The following TMPRSS13 variants were observed in gnomAD, a reference collection of about 807,000 sequenced individuals.
TMPRSS13 encodes transmembrane serine protease 13, also known as transmembrane protease serine 13.
Under a neutral mutation model 68.4 loss-of-function variants are expected in TMPRSS13, and 50 were observed. The ratio of observed to expected loss-of-function variants is 0.73; its 90% CI spans 0.58 to 0.93. The LOEUF (loss-of-function observed/expected upper bound fraction) is 0.93, where lower values mean the gene tolerates loss of function less well. TMPRSS13 is among the 40% of genes least tolerant of loss of function. TMPRSS13 has a pLI of 0.00. For missense variants in TMPRSS13, 615 were observed against 729.2 expected (o/e 0.84, Z 1.80); for synonymous variants, 267 against 285.8 (o/e 0.93, Z 0.66).
Position 117,914,312 on chromosome 11 carries a change from TAC to T in TMPRSS13, c.679+78_679+79del, listed in dbSNP as rs1183382522. 20 of 1,568,186 alleles carry T rather than the reference TAC, an allele frequency of 1.3e-5. No homozygotes were observed. Among genetic ancestry groups the T allele is most frequent in the Non-Finnish European group, 1.4e-5 (16 of 1,152,156 alleles). The stretch of plus-strand genomic sequence containing the variant: ...ACACATATACACACACAGGCATGCA[TAC>T]ACACACACATATACAAACAGGCACA... On this transcript the variant is annotated intron_variant, in intron 4 of 12. Coordinates refer to ENST00000524993, the MANE Select transcript of TMPRSS13 (RefSeq NM_001077263.3). This position sits in a 1 kb window ranked among gnomAD's most constrained non-coding sequence, Gnocchi z 4.2.
Position 117,910,720 on chromosome 11 carries a change from A to G in TMPRSS13, c.933T>C (p.Ser311=), listed in dbSNP as rs2155194. 0.96 allele frequency: 1,537,333 copies of G among 1,608,968 alleles called. 735,231 individuals are homozygous for G. The highest frequency in any genetic ancestry group is 0.98 in the Middle Eastern group (5,909 of 6,058). ...AGAACATCTTACGGGAACACTGGAG[A>G]GAGATATACCGCTGGGAAGGGCATT... ...RSECPSQRYI[S]LQCSHCGLRA... The change falls in exon 7 of 13, where the codon TCT becomes TCC. Residue 311 remains serine (S), a synonymous_variant. Coordinates refer to ENST00000524993, the MANE Select transcript of TMPRSS13 (RefSeq NM_001077263.3).
chr11:117,924,103 G>A (rs1393080607), intron 1 of TMPRSS13, among the ~76,000 whole-genome samples: 1 of 150,996 alleles, frequency 6.6e-6, no homozygotes, highest in African/African-American at 2.4e-5. Context: ...CAGCTACTTG[G>A]GAGGCTGAGG....
chr11:117,907,007 A>G (rs1181241797), intron 9 of TMPRSS13, among the ~76,000 whole-genome samples: 2 of 151,946 alleles, frequency 1.3e-5, no homozygotes, highest in Non-Finnish European at 2.9e-5. Flanking sequence ...CCAAAAGCCT[A>G]TTGGAGCCTG....
Position 117,914,490 on chromosome 11 carries a change from C to G in TMPRSS13, c.581G>C (p.Gly194Ala). ...ILFQFWQGHT[G>A]IRYKEQRESC... Reference sequence around the variant, plus strand: ...CTCCCTCTGCTCCTTGTACCTGATCCCTGTGTGGCCCTGCCAGAACTGGAC... The same window carrying G: ...CTCCCTCTGCTCCTTGTACCTGATCGCTGTGTGGCCCTGCCAGAACTGGAC... The change falls in exon 4 of 13, where the codon GGG becomes GCG. Residue 194 changes from glycine (G) to alanine (A), a missense_variant. Gly to Ala is a moderately conservative substitution (Grantham distance 60). Coordinates refer to ENST00000524993, the MANE Select transcript of TMPRSS13 (RefSeq NM_001077263.3). The surrounding 1 kb of genome is among the most constrained non-coding windows in gnomAD (Gnocchi z 4.2). The G allele has an allele frequency of 3.1e-6, 5 of 1,614,008 alleles. No individual in the cohort carries two copies. The highest frequency in any genetic ancestry group is 4.2e-6 in the Non-Finnish European group (5 of 1,180,010).
chr11:117,908,018 G>A, intron 9 of TMPRSS13: 1 of 994,224 alleles, frequency 1.0e-6, no homozygotes, highest in Non-Finnish European at 1.2e-6. Flanking sequence ...CAACGTTGTA[G>A]CAATTAGTTG....
At chr11:117,911,100 A>G (rs1275627570) in intron 6 of TMPRSS13, among the ~76,000 whole-genome samples, 1 of 152,214 alleles carries the variant, frequency 6.6e-6, no homozygotes, top group Non-Finnish European at 1.5e-5. Context: ...CCTCTGACAC[A>G]GTTCCTCAAC....
chr11:117,925,098 G>C (rs1176437652), intron 1 of TMPRSS13, among the ~76,000 whole-genome samples: 2 of 152,198 alleles, frequency 1.3e-5, no homozygotes, highest in Non-Finnish European at 2.9e-5. Context: ...TTTCAAACAG[G>C]GTTCCACAGA....
At chr11:117,916,053 C>T (rs1193199263) in intron 3 of TMPRSS13, among the ~76,000 whole-genome samples, 2 of 152,222 alleles carry the variant, frequency 1.3e-5, no homozygotes, top group African/African-American at 4.8e-5. Flanking sequence ...TGCCAGCACA[C>T]TGCCCCTCCC....
intron 8 of TMPRSS13, 128 bp downstream of exon 8, chr11:117,909,678 C>T (rs1397307735): frequency 1.6e-5 from 18 of 1,159,596 alleles, no homozygotes; most frequent in Non-Finnish European, 2.1e-5. Context: ...ACACCAGTGC[C>T]AACTGGCCCA....
chr11:117,910,985 GT>G (rs2057517572), intron 6 of TMPRSS13, among the ~76,000 whole-genome samples: 1 of 152,158 alleles, frequency 6.6e-6, no homozygotes, highest in Non-Finnish European at 1.5e-5. Flanking sequence ...CCCTCAACTA[GT>G]TTCCTTGTGG....
chr11:117,918,741 G>C lies in TMPRSS13; in HGVS notation c.119C>G (p.Ser40Cys), dbSNP rs772770055. The C allele has an allele frequency of 6.2e-7, 1 of 1,611,466 alleles. No homozygotes were observed. ...CCCAGCTGGAGATGCCTGGGCTGGA[G>C]ATGCCTGGGCTGGAGATGCCCGGCC... is the stretch of plus-strand genomic sequence containing the variant. ...PPGRASPAQA[S>C]PAQASPAGTP... The change falls in exon 2 of 13, where the codon TCT (serine) becomes TGT (cysteine). Residue 40 changes from serine to cysteine, a missense_variant. By Grantham distance (112) the Ser-to-Cys change is moderately radical. Coordinates refer to ENST00000524993, the MANE Select transcript of TMPRSS13 (RefSeq NM_001077263.3).
At chr11:117,907,675 G>C (rs2057477266) in intron 9 of TMPRSS13, 1 of 391,610 alleles carries the variant, frequency 2.6e-6, no homozygotes, top group Non-Finnish European at 3.5e-6. Context: ...AATCTTTTCG[G>C]GACCCACCTT....
chr11:117,902,362 G>A (rs908765169), intron 12 of TMPRSS13, 97 bp from the exon 13 acceptor site: 16 of 1,338,228 alleles, frequency 1.2e-5, no homozygotes, highest in African/African-American at 1.2e-4. Context: ...ATTTAGCCTC[G>A]CTGTCACCTA....
chr11:117,918,402 C>G lies in TMPRSS13; in HGVS notation c.451+7G>C, dbSNP rs1405122619. The stretch of plus-strand genomic sequence containing the variant: ...CTCTCGTGGCTTCCCTACAGCATCC[C>G]CCTTACCTGGGCTCTCCCTGGTGGC... On this transcript the variant is annotated splice_region_variant and intron_variant, in intron 2 of 12. Coordinates refer to ENST00000524993, the MANE Select transcript of TMPRSS13 (RefSeq NM_001077263.3). 5 of 1,612,694 alleles carry G rather than the reference C, an allele frequency of 3.1e-6. No individual in the cohort carries two copies. The highest frequency in any genetic ancestry group is 1.1e-5 in the South Asian group (1 of 91,036).
At chr11:117,919,720 C>G (rs1462813147) in intron 1 of TMPRSS13, among the ~76,000 whole-genome samples, 1 of 152,278 alleles carries the variant, frequency 6.6e-6, no homozygotes, top group African/African-American at 2.4e-5. Flanking sequence ...GGCCTCACCA[C>G]ACCCCTGGGA....
chr11:117,920,517 G>A (rs1591629593), intron 1 of TMPRSS13, among the ~76,000 whole-genome samples: 1 of 151,930 alleles, frequency 6.6e-6, no homozygotes, highest in South Asian at 2.1e-4. Flanking sequence ...TTTTGTATTG[G>A]AATCTTGCCC....
At position 117,901,485 on chromosome 11, in the gene TMPRSS13, T is replaced by TG. The variant is rs1419169243; in HGVS notation, c.*753dup. The TG allele has an allele frequency of 6.6e-6, 1 of 152,562 alleles. No individual in the cohort carries two copies. Among genetic ancestry groups the TG allele is most frequent in the East Asian group, 1.9e-4 (1 of 5,192 alleles). The allele number at this position is 152,562 out of a possible 1,614,324, so 9.5% of individuals were successfully genotyped here. A position where few individuals can be genotyped will look rare whatever the true frequency, so the allele number is the denominator to read the frequency against. On this transcript the variant is annotated 3_prime_UTR_variant, in exon 13 of 13. Coordinates refer to ENST00000524993, the MANE Select transcript of TMPRSS13 (RefSeq NM_001077263.3). Reference sequence around the variant, plus strand: ...AATACGACATTTCCCATGAATCCCCTGGGGGTCTTGGGCTGATTGATGCCA... The same window carrying TG: ...AATACGACATTTCCCATGAATCCCCTGGGGGGTCTTGGGCTGATTGATGCCA...
chr11:117,909,216 A>G (rs1231195366), intron 8 of TMPRSS13, among the ~76,000 whole-genome samples: 2 of 152,236 alleles, frequency 1.3e-5, no homozygotes, highest in Non-Finnish European at 2.9e-5. Context: ...AGACAGGGTC[A>G]AGGGCTTGTA....
intron 1 of TMPRSS13, among the ~76,000 whole-genome samples, chr11:117,926,376 C>T (rs146193485): frequency 1.6e-4 from 24 of 152,246 alleles, no homozygotes; most frequent in Middle Eastern, 3.4e-3. Flanking sequence ...ACTTGACCCG[C>T]GGGTGAGCCA....
Sources: gnomAD v4.1 joint callset for allele counts (sites outside exome capture counted in the v4.1 genomes callset) on GRCh38, gnomAD v4.1.1 for gene constraint, Gnocchi (gnomAD v3.1) non-coding constraint, MANE v1.5 for transcripts, NCBI Gene and HGNC (gene_info 2026-07-23, HGNC 2026-07-21) for gene names.